Variants in ARHGEF10 observed in about 807,000 individuals in gnomAD.
ARHGEF10 encodes Rho guanine nucleotide exchange factor 10.
ARHGEF10 carries 140 observed loss-of-function variants against 147.4 expected under a neutral mutation model. That is an observed-to-expected ratio of 0.95 (90% CI 0.83 to 1.09). The LOEUF (loss-of-function observed/expected upper bound fraction) is 1.09. Among genes scored for constraint, ARHGEF10 ranks in the 50% least tolerant of loss-of-function variants. The pLI is 0.00. For synonymous variants in ARHGEF10, 902 were observed against 695.8 expected, an observed-to-expected ratio of 1.30 and a Z score of -4.67; for missense variants, 2,222 against 1,752.7, an observed-to-expected ratio of 1.27 and a Z score of -4.78.
In ARHGEF10 at chr8:1,859,940, G is replaced by A; in HGVS notation, c.237G>A (p.Glu79=). 6.2e-7 allele frequency: 1 copy of A among 1,614,178 alleles called. No individual in the cohort carries two copies. Among genetic ancestry groups the A allele is most frequent in the Non-Finnish European group, 8.5e-7 (1 of 1,180,030 alleles). Residue 79 remains glutamate (E), a synonymous_variant, in exon 4 of 29, where the codon GAG becomes GAA. Transcript: ENST00000349830. ...GAGCAGAAACCACCCCAGTGGCAGA[G>A]CCTACTAAGCTGGTGCTCCCGATGA... ...GAGAETTPVA[E]PTKLVLPMKV... is the part of the protein sequence containing the mutation.
chr8:1,920,463 C>T (rs1325765979), intron 18 of ARHGEF10, among the ~76,000 whole-genome samples: 2 of 151,650 alleles, frequency 1.3e-5, no homozygotes, highest in East Asian at 2.0e-4. Flanking sequence ...TTTGGGACTA[C>T]AGGCGCGCAT....
intron 2 of ARHGEF10, among the ~76,000 whole-genome samples, 195 bp downstream of exon 2, chr8:1,843,631 G>A (rs1804269232): frequency 6.6e-6 from 1 of 152,232 alleles, no homozygotes; most frequent in Non-Finnish European, 1.5e-5. Context: ...CATCCTGGGT[G>A]AGCCTCTTGC....
chr8:1,956,330 A>G (rs1269234316), intron 28 of ARHGEF10, among the ~76,000 whole-genome samples: 3 of 152,210 alleles, frequency 2.0e-5, no homozygotes, highest in African/African-American at 7.2e-5. Flanking sequence ...CCGGTAGTTT[A>G]GTCATTTCTT....
At chr8:1,866,947 G>A (rs1316934320) in intron 6 of ARHGEF10, among the ~76,000 whole-genome samples, 1 of 151,786 alleles carries the variant, frequency 6.6e-6, no homozygotes, top group Non-Finnish European at 1.5e-5. Context: ...CCCACCCTGC[G>A]CTTGCCTGTG....
In ARHGEF10 at chr8:1,881,971, C is replaced by T. The variant is rs528468648; in HGVS notation, c.961-664C>T. Reference sequence around the variant, plus strand: ...ATCAGATGGCAGGAGACGCCTCAGACGCCCCTGAGTCTAGGCAGCCGTGAG... The same window carrying T: ...ATCAGATGGCAGGAGACGCCTCAGATGCCCCTGAGTCTAGGCAGCCGTGAG... On this transcript the variant is annotated intron_variant, in intron 9 of 28. Transcript: ENST00000349830. Among the ~76,000 whole-genome samples the T allele has an allele frequency of 6.2e-4, 94 of 152,320 alleles. 4 individuals carry two copies. The South Asian group carries it at 0.018, about 30-fold the overall frequency.
intron 26 of ARHGEF10, among the ~76,000 whole-genome samples, chr8:1,940,999 C>T (rs1364316782): frequency 6.6e-6 from 1 of 152,200 alleles, no homozygotes; most frequent in Non-Finnish European, 1.5e-5. Context: ...ATCTATAAAA[C>T]ACTCACAGCT....
intron 1 of ARHGEF10, among the ~76,000 whole-genome samples, chr8:1,825,728 A>AT (rs1802733888): frequency 6.6e-6 from 1 of 152,066 alleles, no homozygotes; most frequent in Non-Finnish European, 1.5e-5. Flanking sequence ...CTGTTGTCTG[A>AT]TATTGATTCC....
Position 1,864,525 on chromosome 8 carries a change from G to A in ARHGEF10, c.545+89G>A, listed in dbSNP as rs76059247. ...GGGATCCTGGTGTGTGTCCCTGCCC[G>A]CCATCCTCAGCTCTGCGCGGCGGGA... is the stretch of plus-strand genomic sequence containing the variant. On this transcript the variant is annotated intron_variant, in intron 5 of 28. Coordinates refer to ENST00000349830, the MANE Select transcript of ARHGEF10 (RefSeq NM_014629.4). 1.5e-3 allele frequency: 2,068 copies of A among 1,345,730 alleles called. 23 individuals are homozygous for A. The African/African-American group carries it at 0.024, about 16-fold the overall frequency. The allele number at this position is 1,345,730 out of a possible 1,614,324, so 83.4% of individuals were successfully genotyped here.
At chr8:1,954,650 G>C (rs1815334004) in intron 28 of ARHGEF10, among the ~76,000 whole-genome samples, 1 of 152,200 alleles carries the variant, frequency 6.6e-6, no homozygotes, top group African/African-American at 2.4e-5. Flanking sequence ...AGCCTCAGCT[G>C]CCCCTTCTCA....
chr8:1,938,969 A>C (rs1353427228), intron 26 of ARHGEF10, among the ~76,000 whole-genome samples: 2 of 141,732 alleles, frequency 1.4e-5, no homozygotes, highest in African/African-American at 5.4e-5. Context: ...CGAACACTGG[A>C]ATCCCAGCCC....
At chr8:1,940,755 C>G (rs1415209759) in intron 26 of ARHGEF10, among the ~76,000 whole-genome samples, 1 of 152,060 alleles carries the variant, frequency 6.6e-6, no homozygotes, top group Non-Finnish European at 1.5e-5. Flanking sequence ...CAACAGCGTA[C>G]TGAAAGGATT....
intron 10 of ARHGEF10, among the ~76,000 whole-genome samples, chr8:1,884,398 GA>G (rs71528660): frequency 0.6 from 83,125 of 137,704 alleles, 24,504 homozygotes; most frequent in East Asian, 0.92. Flanking sequence ...TCCATCTCAA[GA>G]AAAAAAAAAA....
At chr8:1,941,607 A>G (rs1035794874) in intron 26 of ARHGEF10, among the ~76,000 whole-genome samples, 3 of 152,090 alleles carry the variant, frequency 2.0e-5, no homozygotes, top group African/African-American at 7.2e-5. Context: ...AAAACTTGAC[A>G]AGCACATCCT....
chr8:1,923,341 C>A, intron 19 of ARHGEF10, 127 bp from the exon 20 acceptor site: 1 of 1,428,810 alleles, frequency 7.0e-7, no homozygotes. Flanking sequence ...CCAAAGCTTT[C>A]TTTTTCATAA....
intron 4 of ARHGEF10, among the ~76,000 whole-genome samples, chr8:1,862,895 C>T (rs1314192888): frequency 1.3e-5 from 2 of 151,384 alleles, no homozygotes; most frequent in Admixed American, 6.6e-5. Context: ...TCTCCTGCCT[C>T]AGCCTCCCAA....
At chr8:1,926,698 C>CAA in intron 23 of ARHGEF10, 1 of 583,230 alleles carries the variant, frequency 1.7e-6, no homozygotes, top group South Asian at 2.0e-5. Flanking sequence ...AAAACATTTA[C>CAA]CAGATAAAGT....
In ARHGEF10 at chr8:1,859,890, TC is replaced by T. The variant is rs150504513; in HGVS notation, c.194-3del. 836 of 1,613,992 alleles carry T rather than the reference TC, an allele frequency of 5.2e-4. 2 individuals carry two copies. In the African/African-American group the frequency reaches 1.0e-2, roughly 19 times the overall value. On this transcript the variant is annotated splice_region_variant and splice_polypyrimidine_tract_variant and intron_variant, in intron 3 of 28. Coordinates refer to ENST00000349830, the MANE Select transcript of ARHGEF10 (RefSeq NM_014629.4). Reference sequence around the variant, plus strand: ...TGTCTGCTGACAAGTCCTTTCTGCATCCCCAGGAGGTGAGGATGGAGCTGGA... The same window carrying T: ...TGTCTGCTGACAAGTCCTTTCTGCATCCCAGGAGGTGAGGATGGAGCTGGA...
intron 1 of ARHGEF10, among the ~76,000 whole-genome samples, chr8:1,833,396 GCAGAGA>G (rs1490180688): frequency 9.8e-5 from 4 of 41,002 alleles, no homozygotes; most frequent in African/African-American, 2.1e-4. Flanking sequence ...AGCGACAGGG[GCAGAGA>G]CAGAGACAGA....
Position 1,925,270 on chromosome 8 carries a change from A to G in ARHGEF10, c.2489-13A>G, listed in dbSNP as rs1300165975. Reference sequence around the variant, plus strand: ...CTGCATTCTTGCTCATTTCTCTCTGAATATAATTGCAGAAGAGGAGAACCA... The same window carrying G: ...CTGCATTCTTGCTCATTTCTCTCTGGATATAATTGCAGAAGAGGAGAACCA... On this transcript the variant is annotated splice_polypyrimidine_tract_variant and intron_variant, in intron 21 of 28. Transcript: ENST00000349830. The G allele has an allele frequency of 1.2e-6, 2 of 1,614,104 alleles. No homozygotes were observed. The highest frequency in any genetic ancestry group is 2.2e-5 in the East Asian group (1 of 44,882).
Sources: allele counts gnomAD v4.1 joint callset (sites outside exome capture counted in the v4.1 genomes callset), GRCh38; gene constraint gnomAD v4.1.1; transcripts MANE v1.5; gene names NCBI Gene and HGNC (gene_info 2026-07-23, HGNC 2026-07-21).